The following SYT16 variants were observed in gnomAD, a reference collection of about 807,000 sequenced individuals.
The protein encoded by SYT16 is synaptotagmin 16.
In SYT16, 42 loss-of-function variants were observed where a neutral mutation model predicts 61.4. The ratio of observed to expected loss-of-function variants is 0.68; its 90% CI spans 0.53 to 0.89. SYT16 has a LOEUF of 0.89. Among genes scored for constraint, SYT16 ranks in the 40% least tolerant of loss-of-function variants. The pLI is 0.00. For synonymous variants in SYT16, 314 were observed against 302.3 expected (o/e 1.04, Z -0.40); for missense variants, 804 against 807.3 (o/e 1.00, Z 0.05).
chr14:61,835,507 C>G (rs936501203), intron 1 of SYT16, among the ~76,000 whole-genome samples: 1 of 151,770 alleles, frequency 6.6e-6, no homozygotes, highest in Non-Finnish European at 1.5e-5. Flanking sequence ...ATCTGCCCAT[C>G]TTGGCCTCCC....
At chr14:61,880,345 ATACTG>A (rs1566647992) in intron 1 of SYT16, among the ~76,000 whole-genome samples, 2 of 152,256 alleles carry the variant, frequency 1.3e-5, no homozygotes, top group African/African-American at 4.8e-5. Context: ...TGACCACATC[ATACTG>A]TCTTAGTTGC....
At position 62,019,419 on chromosome 14, in the gene SYT16, C is replaced by T. The variant is rs180942124; in HGVS notation, c.523+22877C>T. Among the ~76,000 whole-genome samples the T allele has an allele frequency of 5.9e-5, 9 of 152,176 alleles. 1 individual carries two copies. Among genetic ancestry groups the T allele is most frequent in the South Asian group, 4.2e-4 (2 of 4,816 alleles). On this transcript the variant is annotated intron_variant, in intron 3 of 7. Transcript: ENST00000683842. Reference sequence around the variant, plus strand: ...GGAGCCATCTGGGTTCAAATGCTGACGCTGCTACTTTCTTGCTGTGTACCT... The same window carrying T: ...GGAGCCATCTGGGTTCAAATGCTGATGCTGCTACTTTCTTGCTGTGTACCT...
intron 1 of SYT16, among the ~76,000 whole-genome samples, chr14:61,907,226 G>A (rs2048758303): frequency 1.3e-5 from 2 of 152,264 alleles, no homozygotes; most frequent in South Asian, 2.1e-4. Flanking sequence ...TTTATTCTTG[G>A]TTATGGTTGC....
chr14:62,077,659 C>T (rs1447577230), intron 5 of SYT16: 2 of 152,222 alleles, frequency 1.3e-5, no homozygotes, highest in South Asian at 2.1e-4. Context: ...GTGAGGAGCT[C>T]CTTCAGTTGC....
rs933246679 is a variant in SYT16, at chr14:61,896,599, A to G, written c.-324-73533A>G. Reference sequence around the variant, plus strand: ...GTGGTGGTAAGGCCAGAATGAGTTAATGAAAATTCTGGGTTATAGACTACA... The same window carrying G: ...GTGGTGGTAAGGCCAGAATGAGTTAGTGAAAATTCTGGGTTATAGACTACA... On this transcript the variant is annotated intron_variant, in intron 1 of 7. Coordinates refer to ENST00000683842, the MANE Select transcript of SYT16 (RefSeq NM_001367656.1). 3.3e-5 allele frequency among the ~76,000 whole-genome samples: 5 copies of G among 152,220 alleles called. No individual in the cohort carries two copies. In the East Asian group the frequency reaches 7.7e-4, roughly 23 times the overall value.
intron 3 of SYT16, among the ~76,000 whole-genome samples, chr14:62,028,029 C>A (rs2054167255): frequency 6.6e-6 from 1 of 152,134 alleles, no homozygotes; most frequent in Non-Finnish European, 1.5e-5. Context: ...TCCTTCTTAT[C>A]ACTGAAGGCT....
In SYT16 at chr14:62,110,906, G is replaced by C. The variant is rs751806801; in HGVS notation, c.*10199G>C. On this transcript the variant is annotated 3_prime_UTR_variant, in exon 8 of 8. Transcript: ENST00000683842. ...TCTCCTTTATTATTTTTCTTTTGAAGAATCAAACTTGTCCATCTCTCCCCT... is the reference window on the plus strand; with the variant it reads ...TCTCCTTTATTATTTTTCTTTTGAACAATCAAACTTGTCCATCTCTCCCCT... 5.9e-5 allele frequency: 9 copies of C among 151,900 alleles called. No homozygotes were observed. Among genetic ancestry groups the C allele is most frequent in the Non-Finnish European group, 1.0e-4 (7 of 67,896 alleles). The allele number at this position is 151,900 out of a possible 1,614,324, so 9.4% of individuals were successfully genotyped here. A position where few individuals can be genotyped will look rare whatever the true frequency, so the allele number is the denominator to read the frequency against.
intron 1 of SYT16, among the ~76,000 whole-genome samples, chr14:61,819,655 G>A (rs1403513940): frequency 6.6e-6 from 1 of 152,180 alleles, no homozygotes; most frequent in East Asian, 1.9e-4. Flanking sequence ...ATTCAAAAGA[G>A]CACCATACAG....
intron 1 of SYT16, among the ~76,000 whole-genome samples, chr14:61,960,367 C>G (rs1167574058): frequency 6.6e-6 from 1 of 152,114 alleles, no homozygotes; most frequent in Non-Finnish European, 1.5e-5. Context: ...TGTGTCATCT[C>G]TAATTTCTTT....
chr14:61,844,892 A>G (rs2046397481), intron 1 of SYT16, among the ~76,000 whole-genome samples: 2 of 152,148 alleles, frequency 1.3e-5, no homozygotes, highest in African/African-American at 4.8e-5. Flanking sequence ...CAATTCTGGC[A>G]TTATAGAATG....
intron 3 of SYT16, among the ~76,000 whole-genome samples, chr14:62,039,585 A>G (rs1210159401): frequency 6.6e-6 from 1 of 152,174 alleles, no homozygotes; most frequent in Non-Finnish European, 1.5e-5. Flanking sequence ...AAGATGATAT[A>G]TATTTATATG....
At chr14:61,899,595 A>G (rs779050792) in intron 1 of SYT16, among the ~76,000 whole-genome samples, 42 of 152,228 alleles carry the variant, frequency 2.8e-4, no homozygotes, top group South Asian at 1.9e-3. Flanking sequence ...ATGTAGCATC[A>G]TGAGCTTTGC....
At chr14:61,916,062 A>AT (rs533994414) in intron 1 of SYT16, among the ~76,000 whole-genome samples, 31 of 151,782 alleles carry the variant, frequency 2.0e-4, no homozygotes, top group Admixed American at 3.9e-4. Context: ...CTTTAAGCAT[A>AT]TTTTTTTTTC....
intron 2 of SYT16, among the ~76,000 whole-genome samples, chr14:61,980,753 A>C (rs900279603): frequency 3.3e-5 from 5 of 152,188 alleles, no homozygotes; most frequent in African/African-American, 9.7e-5. Context: ...GAGGCAAATA[A>C]ATAAAATAAT....
At position 61,996,525 on chromosome 14, in the gene SYT16, T is replaced by C; in HGVS notation, c.506T>C (p.Val169Ala). ...DSQLPGTLETVNGKKQVNSFG... is the reference protein window; with the variant it reads ...DSQLPGTLETANGKKQVNSFG... The stretch of plus-strand genomic sequence containing the variant: ...CAGCTCCCTGGTACTTTAGAAACTG[T>C]TAATGGAAAAAAGCAAGGTAAGCTA... The change falls in exon 3 of 8, where the codon GTT (valine) becomes GCT (alanine). Residue 169 changes from valine (V) to alanine (A), a missense_variant. Transcript: ENST00000683842. 6.3e-7 allele frequency: 1 copy of C among 1,598,060 alleles called. No individual in the cohort carries two copies. The highest frequency in any genetic ancestry group is 8.5e-7 in the Non-Finnish European group (1 of 1,171,910).
intron 1 of SYT16, among the ~76,000 whole-genome samples, chr14:61,885,607 A>C (rs1273559579): frequency 6.6e-6 from 1 of 152,196 alleles, no homozygotes; most frequent in African/African-American, 2.4e-5. Context: ...CTGTTTTAGA[A>C]TGTCTTACTT....
intron 1 of SYT16, among the ~76,000 whole-genome samples, chr14:61,890,469 A>C (rs2048079764): frequency 6.6e-6 from 1 of 150,378 alleles, no homozygotes; most frequent in Admixed American, 6.6e-5. Context: ...GGGTGGTCTT[A>C]AATATAGTCA....
intron 1 of SYT16, among the ~76,000 whole-genome samples, chr14:61,867,190 C>A (rs923025668): frequency 2.6e-5 from 4 of 151,878 alleles, no homozygotes; most frequent in Non-Finnish European, 5.9e-5. Context: ...TAGTGTAAAT[C>A]TTTTTCTTTT....
Position 61,932,269 on chromosome 14 carries a change from T to C in SYT16, c.-324-37863T>C, listed in dbSNP as rs574130898. Among the ~76,000 whole-genome samples, 122 of 152,350 alleles carry C rather than the reference T, an allele frequency of 8.0e-4. 3 individuals are homozygous for C. Among genetic ancestry groups the C allele is most frequent in the South Asian group, 5.2e-3 (25 of 4,826 alleles). ...ATGCTGGAAACCAAGGGTGGACCCA[T>C]GGCCCCCTTCAGTGTTTACAGGCTT... is the stretch of plus-strand genomic sequence containing the variant. On this transcript the variant is annotated intron_variant, in intron 1 of 7. Transcript: ENST00000683842.
Sources: allele counts gnomAD v4.1 joint callset (sites outside exome capture counted in the v4.1 genomes callset), GRCh38; gene constraint gnomAD v4.1.1; transcripts MANE v1.5; gene names NCBI Gene and HGNC (gene_info 2026-07-23, HGNC 2026-07-21).